Variants in IFT25 observed in about 807,000 individuals in gnomAD.
IFT25 encodes the protein intraflagellar transport 25.
At chr1:53,939,710 A>G in the IFT25 span, 1 of 365,864 alleles carries the variant, frequency 2.7e-6, no homozygotes. Flanking sequence ...ACTTCCATAA[A>G]ATGAAGTTGT....
the IFT25 span, chr1:53,945,613 C>T: frequency 6.5e-6 from 1 of 152,748 alleles, no homozygotes; most frequent in South Asian, 2.0e-4. Flanking sequence ...TCCCTTGCGC[C>T]CCGCCCCACG....
At chr1:53,941,606 T>C in the IFT25 span, among the ~76,000 whole-genome samples, 1 of 152,230 alleles carries the variant, frequency 6.6e-6, no homozygotes, top group African/African-American at 2.4e-5. Flanking sequence ...CCAGTCAGTG[T>C]GGGATGAACA....
At chr1:53,917,311 T>A in the IFT25 span, among the ~76,000 whole-genome samples, 1 of 152,214 alleles carries the variant, frequency 6.6e-6, no homozygotes, top group Non-Finnish European at 1.5e-5. Context: ...CTTTCCTTTA[T>A]AAAGGCTCTG....
At chr1:53,943,997 C>T in the IFT25 span, among the ~76,000 whole-genome samples, 4 of 152,176 alleles carry the variant, frequency 2.6e-5, no homozygotes, top group Admixed American at 2.6e-4. Flanking sequence ...ATGTACTCTC[C>T]AAATGTTCAG....
At chr1:53,917,779 AT>A in the IFT25 span, among the ~76,000 whole-genome samples, 1 of 152,048 alleles carries the variant, frequency 6.6e-6, no homozygotes, top group Non-Finnish European at 1.5e-5. Flanking sequence ...GTGAGCTGAG[AT>A]TGTACCACTG....
chr1:53,935,207 G>A, the IFT25 span, among the ~76,000 whole-genome samples: 1 of 152,122 alleles, frequency 6.6e-6, no homozygotes, highest in African/African-American at 2.4e-5. Flanking sequence ...CAGCTACTCG[G>A]GAGGCTGAGG....
At chr1:53,917,377 A>G in the IFT25 span, among the ~76,000 whole-genome samples, 1 of 152,156 alleles carries the variant, frequency 6.6e-6, no homozygotes, top group South Asian at 2.1e-4. Flanking sequence ...CCATAGTTCT[A>G]TATGCATCTC....
At chr1:53,917,598 G>A in the IFT25 span, among the ~76,000 whole-genome samples, 1 of 152,166 alleles carries the variant, frequency 6.6e-6, no homozygotes, top group Non-Finnish European at 1.5e-5. Context: ...GGCTGAGGCA[G>A]GCAGATCACC....
the IFT25 span, among the ~76,000 whole-genome samples, chr1:53,915,477 T>A: frequency 1.3e-5 from 2 of 151,788 alleles, no homozygotes; most frequent in Non-Finnish European, 2.9e-5. Context: ...AAGAAAAAAA[T>A]TTAAGTGGAA....
chr1:53,920,196 A>G, the IFT25 span, among the ~76,000 whole-genome samples: 1 of 152,222 alleles, frequency 6.6e-6, no homozygotes, highest in Non-Finnish European at 1.5e-5. Flanking sequence ...ATGTCTGTAC[A>G]TGATAGATGC....
chr1:53,929,177 G>A, the IFT25 span, among the ~76,000 whole-genome samples: 1 of 152,296 alleles, frequency 6.6e-6, no homozygotes, highest in Non-Finnish European at 1.5e-5. Context: ...GGGGAGACTG[G>A]GGTGGGGAAG....
the IFT25 span, chr1:53,939,778 G>C: frequency 2.0e-6 from 1 of 500,872 alleles, no homozygotes; most frequent in Non-Finnish European, 3.5e-6. Flanking sequence ...CAAGAGTTCA[G>C]TTTAGGCATT....
chr1:53,925,185 T>G, the IFT25 span, among the ~76,000 whole-genome samples: 1 of 152,084 alleles, frequency 6.6e-6, no homozygotes, highest in Non-Finnish European at 1.5e-5. Context: ...TCCTTCAACT[T>G]CTCCCTCTTT....
the IFT25 span, among the ~76,000 whole-genome samples, chr1:53,916,055 T>C: frequency 6.6e-6 from 1 of 151,764 alleles, no homozygotes; most frequent in Non-Finnish European, 1.5e-5. Context: ...TGTGGTGGCA[T>C]GTGTCTGTAG....
At chr1:53,930,106 G>C in the IFT25 span, 1 of 1,574,586 alleles carries the variant, frequency 6.4e-7, no homozygotes, top group South Asian at 1.3e-5. Flanking sequence ...TGAATTCCTG[G>C]GGAAACATTC....
the IFT25 span, among the ~76,000 whole-genome samples, chr1:53,922,394 C>CAAA: frequency 1.1e-5 from 1 of 94,668 alleles, no homozygotes; most frequent in Admixed American, 1.3e-4. Flanking sequence ...AATTCCGTCT[C>CAAA]AAAAAAAAAA....
chr1:53,927,166 G>C, the IFT25 span, among the ~76,000 whole-genome samples: 1 of 152,152 alleles, frequency 6.6e-6, no homozygotes, highest in Non-Finnish European at 1.5e-5. Context: ...AATGTCTTGT[G>C]ATCTTTCTTT....
chr1:53,926,707 T>C, the IFT25 span, among the ~76,000 whole-genome samples: 6 of 152,086 alleles, frequency 3.9e-5, no homozygotes, highest in South Asian at 8.3e-4. Context: ...TCCTGTACAA[T>C]GTCCCACATT....
At chr1:53,912,764 T>G in the IFT25 span, among the ~76,000 whole-genome samples, 3 of 152,202 alleles carry the variant, frequency 2.0e-5, no homozygotes, top group Non-Finnish European at 2.9e-5. Flanking sequence ...CATAGGCCAG[T>G]GTAGTTCAAT....
Sources: allele counts gnomAD v4.1 joint callset (sites outside exome capture counted in the v4.1 genomes callset), GRCh38; gene constraint gnomAD v4.1.1; transcripts MANE v1.5; gene names NCBI Gene and HGNC (gene_info 2026-07-23, HGNC 2026-07-21).